Variants in LIMCH1 observed in about 807,000 individuals in gnomAD.
The protein encoded by LIMCH1 is LIM and calponin homology domains-containing protein 1.
A neutral mutation model predicts 176.5 loss-of-function variants in LIMCH1; 113 were observed. The observed-to-expected ratio is 0.64, with a 90% CI of 0.55 to 0.75. LIMCH1 has a LOEUF of 0.75. Ranked by LOEUF, LIMCH1 falls within the 30% of genes least tolerant of loss-of-function variation. The pLI is 0.00. For missense variants in LIMCH1, 1,674 were observed against 1,814.9 expected, an observed-to-expected ratio of 0.92 and a Z score of 1.41; for synonymous variants, 619 against 645.9, an observed-to-expected ratio of 0.96 and a Z score of 0.63.
chr4:41,479,542 G>A lies in LIMCH1; in HGVS notation c.97-14994G>A, dbSNP rs551692775. Among the ~76,000 whole-genome samples, 10 of 152,262 alleles carry A rather than the reference G, an allele frequency of 6.6e-5. 1 individual carries two copies. The highest frequency in any genetic ancestry group is 1.9e-4 in the East Asian group (1 of 5,184). ...GCTGGGATTACAGGCGTGAGCCACC[G>A]CGCCCAGCATCACTCTTAATAAGGT... On this transcript the variant is annotated intron_variant, in intron 1 of 26. Transcript: ENST00000313860.
intron 1 of LIMCH1, among the ~76,000 whole-genome samples, chr4:41,401,389 A>C (rs113001176): frequency 0.1 from 15,454 of 152,090 alleles, 915 homozygotes; most frequent in African/African-American, 0.16. Context: ...CCATTGATCT[A>C]TATCTCTGTT....
chr4:41,360,796 C>T lies in LIMCH1; in HGVS notation c.-45C>T, dbSNP rs1468653246. ...CGCGCTCCTGCGGCGGCGACGGCGG[C>T]GGCCGTCCTCATCCCGGCGCTTGAG... On this transcript the variant is annotated 5_prime_UTR_variant, in exon 1 of 27. Coordinates refer to the LIMCH1 transcript ENST00000313860. This position sits in a 1 kb window ranked among gnomAD's most constrained non-coding sequence, Gnocchi z 4.5. The T allele has an allele frequency of 6.2e-6, 9 of 1,440,544 alleles. No homozygotes were observed. The highest frequency in any genetic ancestry group is 1.3e-5 in the South Asian group (1 of 77,588). 89.2% of individuals were successfully genotyped at this position (1,440,544 alleles called of 1,614,324 possible).
chr4:41,654,387 C>A (rs980584303), intron 18 of LIMCH1, among the ~76,000 whole-genome samples: 1 of 152,066 alleles, frequency 6.6e-6, no homozygotes, highest in Non-Finnish European at 1.5e-5. Flanking sequence ...TTTGCCCAAC[C>A]GCGAATGTAA....
At chr4:41,421,686 A>G (rs61175830) in intron 1 of LIMCH1, among the ~76,000 whole-genome samples, 12,371 of 152,184 alleles carry the variant, frequency 0.081, 1,420 homozygotes, top group African/African-American at 0.25. Flanking sequence ...AAAGCATAAG[A>G]CTGAAAGTGT....
At chr4:41,643,888 CA>C (rs1159694486) in intron 14 of LIMCH1, among the ~76,000 whole-genome samples, 1 of 152,152 alleles carries the variant, frequency 6.6e-6, no homozygotes, top group Non-Finnish European at 1.5e-5. Context: ...TGAACATATA[CA>C]TCAGCCATCC....
intron 1 of LIMCH1, among the ~76,000 whole-genome samples, chr4:41,363,600 C>A (rs2052500800): frequency 6.6e-6 from 1 of 152,118 alleles, no homozygotes; most frequent in South Asian, 2.1e-4. Flanking sequence ...GGAACCAGAT[C>A]CAGGACGTAA....
intron 1 of LIMCH1, among the ~76,000 whole-genome samples, chr4:41,474,049 G>A (rs938507043): frequency 2.0e-5 from 3 of 151,784 alleles, no homozygotes; most frequent in Middle Eastern, 3.4e-3. Context: ...ACGGTGGTGC[G>A]CCCCTGTAAT....
At chr4:41,589,296 G>A (rs145665458) in intron 1 of LIMCH1, among the ~76,000 whole-genome samples, 1 of 152,280 alleles carries the variant, frequency 6.6e-6, no homozygotes, top group African/African-American at 2.4e-5. Flanking sequence ...GAGCGAGAGA[G>A]CTGTGCAAAG....
intron 4 of LIMCH1, among the ~76,000 whole-genome samples, chr4:41,606,441 G>T (rs925821071): frequency 2.0e-4 from 30 of 152,238 alleles, no homozygotes; most frequent in African/African-American, 7.2e-4. Context: ...CGTGAACCAA[G>T]CTCTTACCTT....
At chr4:41,498,704 C>T (rs1430252459) in intron 2 of LIMCH1, among the ~76,000 whole-genome samples, 1 of 152,208 alleles carries the variant, frequency 6.6e-6, no homozygotes, top group Non-Finnish European at 1.5e-5. Flanking sequence ...AAAGAAGCTA[C>T]TCCCAGGTTG....
chr4:41,382,350 T>C (rs2055809318), intron 1 of LIMCH1, among the ~76,000 whole-genome samples: 1 of 150,666 alleles, frequency 6.6e-6, no homozygotes, highest in Non-Finnish European at 1.5e-5. Flanking sequence ...GTGGAGAATT[T>C]AGGTGCCTTG....
intron 3 of LIMCH1, among the ~76,000 whole-genome samples, chr4:41,529,119 A>T (rs544636021): frequency 3.3e-5 from 5 of 152,098 alleles, no homozygotes; most frequent in East Asian, 1.9e-4. Flanking sequence ...GTTTTTTTTT[A>T]AAATGCTGCA....
chr4:41,490,394 G>T (rs1319394298), intron 1 of LIMCH1, among the ~76,000 whole-genome samples: 1 of 151,744 alleles, frequency 6.6e-6, no homozygotes, highest in Non-Finnish European at 1.5e-5. Flanking sequence ...GAGAACAAAG[G>T]TCTCTGGTTT....
intron 22 of LIMCH1, among the ~76,000 whole-genome samples, chr4:41,674,185 C>G (rs1459885865): frequency 1.3e-5 from 2 of 152,140 alleles, no homozygotes; most frequent in Admixed American, 6.5e-5. Context: ...CTCAATCCCC[C>G]CACCCCACAC....
intron 31 of LIMCH1, 35 bp downstream of exon 31, chr4:41,692,419 G>A: frequency 1.5e-6 from 2 of 1,340,120 alleles, no homozygotes; most frequent in Non-Finnish European, 2.1e-6. Flanking sequence ...TGATGACCGA[G>A]TGTAATCGTA....
chr4:41,562,674 C>T (rs548823372), intron 1 of LIMCH1, among the ~76,000 whole-genome samples: 6 of 152,062 alleles, frequency 3.9e-5, no homozygotes, highest in South Asian at 2.1e-4. Flanking sequence ...ATTATTGGTA[C>T]GGAAATGTTT....
intron 31 of LIMCH1, among the ~76,000 whole-genome samples, chr4:41,694,538 A>AAG (rs1728925222): frequency 6.6e-6 from 1 of 152,196 alleles, no homozygotes; most frequent in Admixed American, 6.5e-5. Context: ...ACTTAATGAT[A>AAG]TATCTTGGTA....
intron 1 of LIMCH1, among the ~76,000 whole-genome samples, chr4:41,458,242 T>C (rs140246259): frequency 5.3e-5 from 8 of 152,296 alleles, no homozygotes; most frequent in African/African-American, 1.9e-4. Context: ...TCTCCTTCTT[T>C]TTGCACATTA....
intron 1 of LIMCH1, among the ~76,000 whole-genome samples, chr4:41,417,729 G>T (rs978422228): frequency 1.4e-4 from 21 of 152,246 alleles, no homozygotes; most frequent in African/African-American, 4.8e-4. Flanking sequence ...TCACCATGTT[G>T]CCCAGGCTGG....
Sources: gnomAD v4.1 joint callset for allele counts (sites outside exome capture counted in the v4.1 genomes callset) on GRCh38, gnomAD v4.1.1 for gene constraint, Gnocchi (gnomAD v3.1) non-coding constraint, MANE v1.5 for transcripts, NCBI Gene and HGNC (gene_info 2026-07-23, HGNC 2026-07-21) for gene names.